Variants in ZMIZ1 observed in about 807,000 individuals in gnomAD.
ZMIZ1 encodes the protein zinc finger MIZ-type containing 1.
Under a neutral mutation model 113.9 loss-of-function variants are expected in ZMIZ1, and 17 were observed. The observed-to-expected ratio is 0.15, with a 90% CI of 0.10 to 0.22. The LOEUF is 0.22. Among genes scored for constraint, ZMIZ1 ranks in the 10% least tolerant of loss-of-function variants. ZMIZ1 has a pLI of 1.00. For synonymous variants in ZMIZ1, 607 were observed against 603.1 expected, an observed-to-expected ratio of 1.01 and a Z score of -0.09; for missense variants, 1,059 against 1,477.8, an observed-to-expected ratio of 0.72 and a Z score of 4.65.
chr10:79,246,464 G>A (rs1203670975), intron 7 of ZMIZ1, among the ~76,000 whole-genome samples: 5 of 152,222 alleles, frequency 3.3e-5, no homozygotes, highest in Non-Finnish European at 7.3e-5. Flanking sequence ...TGCGGCATGG[G>A]TCCCTCGGGA....
At chr10:79,200,234 G>C (rs1195618676) in intron 4 of ZMIZ1, among the ~76,000 whole-genome samples, 3 of 152,214 alleles carry the variant, frequency 2.0e-5, no homozygotes, top group African/African-American at 7.2e-5. Context: ...TCTGCAGCCT[G>C]AACTGTCCAC....
intron 17 of ZMIZ1, 89 bp downstream of exon 17, chr10:79,301,031 C>G: frequency 6.5e-7 from 1 of 1,533,626 alleles, no homozygotes; most frequent in Non-Finnish European, 8.8e-7. Context: ...CACTCTGGTC[C>G]TCAGCCTTGT....
rs1228886319 is a variant in ZMIZ1 at position 79,308,656 on chromosome 10, T to A, written c.2835+1085T>A. ...CCCAGGAGTCCAAGTCGGAAATAGA[T>A]GCTTTGTGGAGCTTTGGCCAAGTTT... is the stretch of plus-strand genomic sequence containing the variant. On this transcript the variant is annotated intron_variant, in intron 23 of 24. Transcript: ENST00000334512. Among the ~76,000 whole-genome samples the A allele has an allele frequency of 2.6e-5, 4 of 152,308 alleles. No homozygotes were observed. The East Asian group carries it at 7.7e-4, about 29-fold the overall frequency.
intron 7 of ZMIZ1, among the ~76,000 whole-genome samples, chr10:79,224,776 G>T (rs1402024392): frequency 2.0e-5 from 3 of 152,212 alleles, no homozygotes; most frequent in African/African-American, 2.4e-5. Context: ...GTGTCTGAGT[G>T]TGGGTTCCCA....
intron 4 of ZMIZ1, among the ~76,000 whole-genome samples, chr10:79,186,021 G>A (rs1461376198): frequency 1.3e-5 from 2 of 152,168 alleles, no homozygotes; most frequent in Non-Finnish European, 2.9e-5. Flanking sequence ...AAACAGGAAA[G>A]AAGGAAGAGA....
intron 4 of ZMIZ1, among the ~76,000 whole-genome samples, chr10:79,162,649 A>G (rs1372236399): frequency 2.6e-5 from 4 of 152,168 alleles, no homozygotes; most frequent in Non-Finnish European, 4.4e-5. Flanking sequence ...CTGTTTACCC[A>G]TCTATCAAAT....
chr10:79,243,413 G>A (rs1251375261), intron 7 of ZMIZ1, among the ~76,000 whole-genome samples: 1 of 149,544 alleles, frequency 6.7e-6, no homozygotes, highest in African/African-American at 2.4e-5. Context: ...CCGGGAAGCT[G>A]GAGACGGGCG....
Position 79,292,257 on chromosome 10 carries a change from G to A in ZMIZ1, c.858G>A (p.Ala286=), listed in dbSNP as rs770161889. Residue 286 remains alanine (A), a synonymous_variant, in exon 11 of 25, where the codon GCG becomes GCA. Transcript: ENST00000334512. ...FTQPAAAAAA[A]AVAAAAATAT... The stretch of plus-strand genomic sequence containing the variant: ...AGCCCGCGGCAGCCGCTGCAGCAGC[G>A]GCAGTGGCAGCAGCAGCAGCCACAG... 4.8e-5 allele frequency: 77 copies of A among 1,611,996 alleles called. No individual in the cohort carries two copies. Among genetic ancestry groups the A allele is most frequent in the Middle Eastern group, 1.7e-4 (1 of 5,922 alleles).
At position 79,314,200 on chromosome 10, in the gene ZMIZ1, C is replaced by G. The variant is rs916144621; in HGVS notation, c.*1451C>G. On this transcript the variant is annotated 3_prime_UTR_variant, in exon 25 of 25. Transcript: ENST00000334512. ...CTCCAGGGCCTCCTGGGGAGCCTGTCCTGTGTTCACTTTGTTTCAGGCTGG... is the reference window on the plus strand; with the variant it reads ...CTCCAGGGCCTCCTGGGGAGCCTGTGCTGTGTTCACTTTGTTTCAGGCTGG... 2.2e-6 allele frequency: 1 copy of G among 457,006 alleles called. No homozygotes were observed. Among genetic ancestry groups the G allele is most frequent in the East Asian group, 6.9e-5 (1 of 14,550 alleles). The allele number at this position is 457,006 out of a possible 1,614,324, so 28.3% of individuals were successfully genotyped here. A position where few individuals can be genotyped will look rare whatever the true frequency, so the allele number is the denominator to read the frequency against.
chr10:79,102,652 C>T (rs950804679), intron 1 of ZMIZ1, among the ~76,000 whole-genome samples: 3 of 152,174 alleles, frequency 2.0e-5, no homozygotes, highest in East Asian at 3.9e-4. Context: ...TGGCTGGAGG[C>T]GAGTCCCAGG....
At chr10:79,206,930 G>T (rs534550223) in intron 5 of ZMIZ1, among the ~76,000 whole-genome samples, 1 of 152,046 alleles carries the variant, frequency 6.6e-6, no homozygotes, top group African/African-American at 2.4e-5. Context: ...ACCTTGCCTC[G>T]CATGAACTAC....
At chr10:79,265,867 C>T (rs1851571241) in intron 7 of ZMIZ1, among the ~76,000 whole-genome samples, 1 of 152,196 alleles carries the variant, frequency 6.6e-6, no homozygotes, top group Non-Finnish European at 1.5e-5. Flanking sequence ...TCAGCGAATC[C>T]ACTCTACTCT....
intron 4 of ZMIZ1, among the ~76,000 whole-genome samples, chr10:79,178,809 G>A (rs1334683269): frequency 1.3e-5 from 2 of 152,168 alleles, no homozygotes; most frequent in African/African-American, 2.4e-5. Flanking sequence ...GGTTTTCTGC[G>A]TGAGTGCTTT....
chr10:79,123,933 A>G (rs951807836), intron 2 of ZMIZ1, among the ~76,000 whole-genome samples: 1 of 152,226 alleles, frequency 6.6e-6, no homozygotes, highest in African/African-American at 2.4e-5. Flanking sequence ...CTTCAGCGCC[A>G]GCTGAGAATG....
chr10:79,175,082 A>G (rs1218083524), intron 4 of ZMIZ1, among the ~76,000 whole-genome samples: 1 of 152,218 alleles, frequency 6.6e-6, no homozygotes, highest in African/African-American at 2.4e-5. Flanking sequence ...ACAGGTACAG[A>G]GCAAGGGGGT....
chr10:79,182,803 G>A (rs563377860), intron 4 of ZMIZ1, among the ~76,000 whole-genome samples: 3 of 152,354 alleles, frequency 2.0e-5, no homozygotes, highest in East Asian at 1.9e-4. Flanking sequence ...TCTCCATGGC[G>A]ATTAAATGAA....
At chr10:79,108,067 G>A (rs894221676) in intron 1 of ZMIZ1, among the ~76,000 whole-genome samples, 1 of 152,192 alleles carries the variant, frequency 6.6e-6, no homozygotes, top group African/African-American at 2.4e-5. Flanking sequence ...CCAGGCTAGT[G>A]TTGACATCCC....
intron 7 of ZMIZ1, among the ~76,000 whole-genome samples, chr10:79,238,545 G>A (rs1305524620): frequency 1.3e-5 from 2 of 152,204 alleles, no homozygotes; most frequent in African/African-American, 4.8e-5. Context: ...AATGAAGCAA[G>A]AACTATTTCA....
intron 7 of ZMIZ1, among the ~76,000 whole-genome samples, chr10:79,219,077 G>A (rs1848857899): frequency 6.6e-6 from 1 of 152,144 alleles, no homozygotes; most frequent in Non-Finnish European, 1.5e-5. Context: ...GATGTAGGTG[G>A]CCAGTTGACA....
Sources: allele counts gnomAD v4.1 joint callset (sites outside exome capture counted in the v4.1 genomes callset), GRCh38; gene constraint gnomAD v4.1.1; transcripts MANE v1.5; gene names NCBI Gene and HGNC (gene_info 2026-07-23, HGNC 2026-07-21).